The following ZNF609 variants were observed in gnomAD, a reference collection of about 807,000 sequenced individuals.
The protein encoded by ZNF609 is zinc finger protein 609.
A neutral mutation model predicts 109.5 loss-of-function variants in ZNF609; 11 were observed. The observed-to-expected ratio is 0.10, with a 90% CI of 0.06 to 0.17. ZNF609 has a LOEUF of 0.17. Among genes scored for constraint, ZNF609 ranks in the 10% least tolerant of loss-of-function variants. ZNF609 has a pLI of 1.00. For synonymous variants in ZNF609, 646 were observed against 662.0 expected, an observed-to-expected ratio of 0.98 and a Z score of 0.37; for missense variants, 1,559 against 1,772.4, an observed-to-expected ratio of 0.88 and a Z score of 2.16.
chr15:64,566,395 C>T (rs1007340599), intron 2 of ZNF609, among the ~76,000 whole-genome samples: 1 of 152,194 alleles, frequency 6.6e-6, no homozygotes, highest in African/African-American at 2.4e-5. Flanking sequence ...GCAAGCATGA[C>T]CAGTCAGTGA....
intron 3 of ZNF609, among the ~76,000 whole-genome samples, chr15:64,625,937 AG>A (rs1895955331): frequency 2.0e-4 from 2 of 10,172 alleles, no homozygotes; most frequent in African/African-American, 4.4e-4. Flanking sequence ...ATATATATAT[AG>A]AGAGAGAGAG....
intron 1 of ZNF609, among the ~76,000 whole-genome samples, chr15:64,487,123 A>T (rs1893344493): frequency 6.6e-6 from 1 of 151,222 alleles, no homozygotes; most frequent in Admixed American, 6.6e-5. Context: ...ATTTTTTTTG[A>T]TTTGTTTTTA....
intron 3 of ZNF609, among the ~76,000 whole-genome samples, chr15:64,667,714 A>G (rs986062667): frequency 1.3e-5 from 2 of 151,246 alleles, no homozygotes; most frequent in African/African-American, 4.8e-5. Flanking sequence ...CTCTGTCTCA[A>G]AAAAAAAAGA....
intron 2 of ZNF609, among the ~76,000 whole-genome samples, chr15:64,562,138 C>A (rs973845355): frequency 2.0e-5 from 3 of 152,336 alleles, no homozygotes; most frequent in Middle Eastern, 6.8e-3. Context: ...TCTTTACATT[C>A]TCCAGGGTCC....
intron 1 of ZNF609, among the ~76,000 whole-genome samples, chr15:64,488,896 G>T (rs1893369070): frequency 6.9e-6 from 1 of 143,930 alleles, no homozygotes; most frequent in Admixed American, 7.3e-5. Flanking sequence ...GACAAAGAGA[G>T]ACTTTGTTTC....
At chr15:64,670,750 T>C (rs1896713752) in intron 4 of ZNF609, among the ~76,000 whole-genome samples, 1 of 151,504 alleles carries the variant, frequency 6.6e-6, no homozygotes, top group East Asian at 1.9e-4. Context: ...TGGTGGTGCA[T>C]GCCTGTAATC....
intron 2 of ZNF609, among the ~76,000 whole-genome samples, chr15:64,619,842 G>A (rs1016460952): frequency 1.3e-5 from 2 of 152,174 alleles, no homozygotes; most frequent in African/African-American, 2.4e-5. Flanking sequence ...CAACAGTGAT[G>A]TTTCCAACCT....
chr15:64,499,402 T>C lies in ZNF609; in HGVS notation c.-18T>C, dbSNP rs1414410383. On this transcript the variant is annotated 5_prime_UTR_variant, in exon 2 of 10. Coordinates refer to ENST00000326648, the MANE Select transcript of ZNF609 (RefSeq NM_015042.2). ...CAAGGAAGAGCCTTGAATCTTGAGG[T>C]GGGACGTTGACTCTAAGATGTCCTT... The C allele has an allele frequency of 1.2e-6, 2 of 1,605,952 alleles. No individual in the cohort carries two copies. Among genetic ancestry groups the C allele is most frequent in the Non-Finnish European group, 1.7e-6 (2 of 1,175,148 alleles).
chr15:64,568,470 T>C lies in ZNF609; in HGVS notation c.748-54357T>C, dbSNP rs138251126. ...GACATTAGAATAACTTGAGGAGCTC[T>C]TGAAAATCCCAATCCCCCTACATCC... On this transcript the variant is annotated intron_variant, in intron 2 of 9. Coordinates refer to ENST00000326648, the MANE Select transcript of ZNF609 (RefSeq NM_015042.2). Among the ~76,000 whole-genome samples the C allele has an allele frequency of 0.02, 3,041 of 152,304 alleles. 241 individuals are homozygous for C. In the South Asian group the frequency reaches 0.28, roughly 14 times the overall value.
chr15:64,610,798 T>G (rs1895703982), intron 2 of ZNF609, among the ~76,000 whole-genome samples: 1 of 152,180 alleles, frequency 6.6e-6, no homozygotes, highest in Admixed American at 6.5e-5. Flanking sequence ...TCTCATGTTT[T>G]CTCACAGGAC....
chr15:64,679,187 C>T (rs140811573), intron 6 of ZNF609, among the ~76,000 whole-genome samples: 1 of 152,318 alleles, frequency 6.6e-6, no homozygotes, highest in East Asian at 1.9e-4. Context: ...ATTCTCCTGC[C>T]TCAGCTTCCC....
At chr15:64,487,525 C>T (rs769614289) in intron 1 of ZNF609, among the ~76,000 whole-genome samples, 4 of 152,150 alleles carry the variant, frequency 2.6e-5, no homozygotes, top group African/African-American at 4.8e-5. Context: ...TGCAAGATTC[C>T]CTCGTGTTTC....
chr15:64,598,734 TTG>T lies in ZNF609; in HGVS notation c.748-24085_748-24084del, dbSNP rs201480505. On this transcript the variant is annotated intron_variant, in intron 2 of 9. Coordinates refer to ENST00000326648, the MANE Select transcript of ZNF609 (RefSeq NM_015042.2). Reference sequence around the variant, plus strand: ...GAAGAAAACTGTCCATCATACATCTTTGTGTGTGTATATATATATATATATAT... The same window carrying T: ...GAAGAAAACTGTCCATCATACATCTTTGTGTGTATATATATATATATATAT... Among the ~76,000 whole-genome samples the T allele has an allele frequency of 8.4e-3, 730 of 86,772 alleles. 27 individuals carry two copies. Among genetic ancestry groups the T allele is most frequent in the African/African-American group, 0.03 (698 of 23,104 alleles). 56.9% of individuals were successfully genotyped at this position (86,772 alleles called of 152,430 possible).
intron 2 of ZNF609, among the ~76,000 whole-genome samples, chr15:64,515,090 A>G (rs916270721): frequency 2.0e-5 from 3 of 152,210 alleles, no homozygotes; most frequent in East Asian, 1.9e-4. Context: ...CTTCTCAAAT[A>G]AAAATAACCA....
At chr15:64,665,335 A>G (rs1056491818) in intron 3 of ZNF609, among the ~76,000 whole-genome samples, 4 of 152,212 alleles carry the variant, frequency 2.6e-5, no homozygotes, top group African/African-American at 9.6e-5. Context: ...CTGACCACTA[A>G]TAGTGAACCC....
chr15:64,681,215 A>ATTTTTTTT, intron 8 of ZNF609, 94 bp from the exon 9 acceptor site: 1 of 1,091,296 alleles, frequency 9.2e-7, no homozygotes, highest in Non-Finnish European at 1.4e-6. Flanking sequence ...TGAGTATCAG[A>ATTTTTTTT]TTTTTTTTTC....
Position 64,674,763 on chromosome 15 carries a change from T to C in ZNF609, c.1909T>C (p.Cys637Arg), listed in dbSNP as rs1337038290. The C allele has an allele frequency of 4.3e-6, 7 of 1,613,560 alleles. No homozygotes were observed. The highest frequency in any genetic ancestry group is 5.9e-6 in the Non-Finnish European group (7 of 1,179,942). ...LERKCMEKEK[C>R]KKPSSLKPEK... ...AAGGAAGTGTATGGAAAAAGAAAAATGTAAAAAACCCTCTAGTTTAAAACC... is the reference window on the plus strand; with the variant it reads ...AAGGAAGTGTATGGAAAAAGAAAAACGTAAAAAACCCTCTAGTTTAAAACC... Residue 637 changes from cysteine to arginine, a missense_variant, in exon 5 of 10, where the codon TGT (cysteine) becomes CGT (arginine). Physicochemically the swap from Cys to Arg is radical, Grantham distance 180. Around this residue, in one of 4 missense-constraint regions of ZNF609, gnomAD observed 1,204 missense variants for 1,314.1 expected, o/e 0.92. Transcript: ENST00000326648.
At chr15:64,489,551 A>G (rs1221868776) in intron 1 of ZNF609, among the ~76,000 whole-genome samples, 1 of 126,716 alleles carries the variant, frequency 7.9e-6, no homozygotes, top group African/African-American at 3.0e-5. Context: ...TTTTTTTTAG[A>G]CGGAGTCTCG....
At chr15:64,678,029 G>A (rs570325881) in intron 5 of ZNF609, 87 bp from the exon 6 acceptor site, 6 of 1,515,692 alleles carry the variant, frequency 4.0e-6, no homozygotes, top group Non-Finnish European at 5.3e-6. Flanking sequence ...CTAATTATCT[G>A]CTCTGGTGGT....
Sources: allele counts gnomAD v4.1 joint callset (sites outside exome capture counted in the v4.1 genomes callset), GRCh38; gene constraint gnomAD v4.1.1; regional missense constraint gnomAD v4.1.1; transcripts MANE v1.5; gene names NCBI Gene and HGNC (gene_info 2026-07-23, HGNC 2026-07-21).